PLCE1: variants seen among roughly 807,000 people sequenced by gnomAD.
PLCE1 encodes phospholipase C epsilon 1.
In PLCE1, 119 loss-of-function variants were observed where a neutral mutation model predicts 242.8. The observed-to-expected ratio is 0.49, with a 90% confidence interval of 0.42 to 0.57. The LOEUF is 0.57. Among genes scored for constraint, PLCE1 ranks in the 20% least tolerant of loss-of-function variants. PLCE1 has a pLI of 0.00. For missense variants in PLCE1, 2,441 were observed against 2,788.8 expected (o/e 0.88, Z 2.81); for synonymous variants, 945 against 1,017.4 (o/e 0.93, Z 1.35).
intron 2 of PLCE1, chr10:94,099,580 C>T (rs1192992565): frequency 6.6e-6 from 1 of 151,942 alleles, no homozygotes; most frequent in Non-Finnish European, 1.5e-5. Flanking sequence ...GCTATCATAT[C>T]AACTTTATGG....
At chr10:94,195,471 A>G (rs2048791464) in intron 4 of PLCE1, among the ~76,000 whole-genome samples, 1 of 152,170 alleles carries the variant, frequency 6.6e-6, no homozygotes, top group Non-Finnish European at 1.5e-5. Flanking sequence ...GTTTGGATCT[A>G]GGAATGTCAC....
chr10:94,046,942 C>T (rs2061896651), intron 2 of PLCE1, among the ~76,000 whole-genome samples: 2 of 152,118 alleles, frequency 1.3e-5, no homozygotes, highest in African/African-American at 4.8e-5. Context: ...CAGTAGCTGG[C>T]ACTATGTAGC....
chr10:94,232,188 T>A (rs2050166951), intron 5 of PLCE1, among the ~76,000 whole-genome samples: 1 of 152,214 alleles, frequency 6.6e-6, no homozygotes, highest in Non-Finnish European at 1.5e-5. Context: ...GATGTTTGAT[T>A]TTTTAAACTG....
At chr10:94,055,484 A>G (rs755214950) in intron 2 of PLCE1, among the ~76,000 whole-genome samples, 8 of 151,596 alleles carry the variant, frequency 5.3e-5, no homozygotes, top group Non-Finnish European at 1.0e-4. Flanking sequence ...CCCGGCTAAT[A>G]TTTTTGTATT....
chr10:94,136,254 T>A (rs191167562), intron 3 of PLCE1, among the ~76,000 whole-genome samples: 4 of 151,888 alleles, frequency 2.6e-5, no homozygotes, highest in Admixed American at 2.6e-4. Context: ...GAATGGGGAG[T>A]TAGTGTTTAC....
At chr10:94,269,960 G>A (rs1367493076) in intron 17 of PLCE1, among the ~76,000 whole-genome samples, 1 of 152,152 alleles carries the variant, frequency 6.6e-6, no homozygotes, top group East Asian at 1.9e-4. Context: ...TATTTTACAT[G>A]TAGAAATAGT....
chr10:94,280,477 A>G (rs2052166478), intron 20 of PLCE1: 1 of 157,222 alleles, frequency 6.4e-6, no homozygotes, highest in African/African-American at 2.4e-5. Context: ...AAGTCACACG[A>G]ATGATGTTAA....
chr10:94,046,435 C>A (rs1367359631), intron 2 of PLCE1, among the ~76,000 whole-genome samples: 1 of 152,202 alleles, frequency 6.6e-6, no homozygotes, highest in Non-Finnish European at 1.5e-5. Context: ...GAACCCCAGG[C>A]TCATAAAACA....
intron 7 of PLCE1, among the ~76,000 whole-genome samples, chr10:94,244,880 T>C (rs2050625159): frequency 6.6e-6 from 1 of 152,114 alleles, no homozygotes; most frequent in African/African-American, 2.4e-5. Flanking sequence ...TTTGTATTTT[T>C]TGTAGAGATG....
chr10:94,179,511 A>ATTTTTTTTTTTTTTTTTTTT (rs1564761610), intron 4 of PLCE1, among the ~76,000 whole-genome samples: 3 of 12,402 alleles, frequency 2.4e-4, no homozygotes, highest in Non-Finnish European at 3.1e-4. Context: ...ATTTTAGTTT[A>ATTTTTTTTTTTTTTTTTTTT]GTTTTTTTTT....
At chr10:94,122,255 TC>T (rs2046321343) in intron 2 of PLCE1, among the ~76,000 whole-genome samples, 1 of 152,174 alleles carries the variant, frequency 6.6e-6, no homozygotes, top group Non-Finnish European at 1.5e-5. Flanking sequence ...GACCCATTGC[TC>T]CTTAGAGCTG....
chr10:94,010,620 T>C (rs1219309955), intron 1 of PLCE1, among the ~76,000 whole-genome samples: 3 of 152,212 alleles, frequency 2.0e-5, no homozygotes, highest in African/African-American at 7.2e-5. Context: ...CACTTGATTG[T>C]AGGCTGTTAG....
At chr10:94,265,428 A>C (rs1456022124) in intron 14 of PLCE1, among the ~76,000 whole-genome samples, 4 of 152,102 alleles carry the variant, frequency 2.6e-5, no homozygotes, top group African/African-American at 9.7e-5. Flanking sequence ...TCTTTTTTCT[A>C]TTAAATAAAT....
chr10:94,014,041 C>T (rs1033481671), intron 1 of PLCE1, among the ~76,000 whole-genome samples: 7 of 152,198 alleles, frequency 4.6e-5, no homozygotes, highest in African/African-American at 1.2e-4. Flanking sequence ...CTTGGGAACT[C>T]GTACAAGCAC....
At chr10:93,996,293 A>G (rs1385830667) in intron 1 of PLCE1, among the ~76,000 whole-genome samples, 2 of 152,228 alleles carry the variant, frequency 1.3e-5, no homozygotes, top group African/African-American at 4.8e-5. Context: ...AAAAGCCAAA[A>G]ACAGTAGAAG....
Position 94,083,062 on chromosome 10 carries a change from G to A in PLCE1, c.1207-49112G>A, listed in dbSNP as rs778774039. 5.8e-4 allele frequency among the ~76,000 whole-genome samples: 89 copies of A among 152,188 alleles called. 1 individual carries two copies. Among genetic ancestry groups the A allele is most frequent in the Non-Finnish European group, 1.0e-3 (70 of 68,000 alleles). On this transcript the variant is annotated intron_variant, in intron 2 of 32. Coordinates refer to ENST00000371380, the MANE Select transcript of PLCE1 (RefSeq NM_016341.4). ...CAATTCTCTATGATTATTTCTTTTT[G>A]CAACCAAGCTCCTGATAAGAAGGAA...
chr10:94,030,193 G>T lies in PLCE1; in HGVS notation c.-364-490G>T, dbSNP rs968946062. 2.0e-5 allele frequency among the ~76,000 whole-genome samples: 3 copies of T among 152,034 alleles called. No homozygotes were observed. In the South Asian group the frequency reaches 6.2e-4, roughly 32 times the overall value. On this transcript the variant is annotated intron_variant, in intron 1 of 32. Transcript: ENST00000371380. ...AAAGTCTGCTGTCATTCTTATCTTT[G>T]TGCCTCTTTGCTTAATGTGCCTTAT...
chr10:94,245,630 G>T (rs182169471), intron 7 of PLCE1, among the ~76,000 whole-genome samples: 360 of 152,274 alleles, frequency 2.4e-3, no homozygotes, highest in African/African-American at 7.6e-3. Flanking sequence ...GGGACTACAG[G>T]CATATGCCAC....
intron 1 of PLCE1, among the ~76,000 whole-genome samples, chr10:93,999,987 A>G (rs1205567488): frequency 1.3e-5 from 2 of 152,220 alleles, no homozygotes; most frequent in Non-Finnish European, 2.9e-5. Context: ...CACATAATCC[A>G]GAGTGATATT....
Sources: allele counts gnomAD v4.1 joint callset (sites outside exome capture counted in the v4.1 genomes callset), GRCh38; gene constraint gnomAD v4.1.1; transcripts MANE v1.5; gene names NCBI Gene and HGNC (gene_info 2026-07-23, HGNC 2026-07-21).